Variants in PHEX observed in about 807,000 individuals in gnomAD.
The protein encoded by PHEX is phosphate regulating endopeptidase X-linked.
A neutral mutation model predicts 68.0 loss-of-function variants in PHEX; 16 were observed. The ratio of observed to expected loss-of-function variants is 0.24; its 90% CI spans 0.16 to 0.36. PHEX has a LOEUF of 0.36. Ranked by LOEUF, PHEX falls within the 10% of genes least tolerant of loss-of-function variation. The pLI is 1.00. For synonymous variants in PHEX, 208 were observed against 205.1 expected, an observed-to-expected ratio of 1.01 and a Z score of -0.12; for missense variants, 480 against 575.5, an observed-to-expected ratio of 0.83 and a Z score of 1.70.
At chrX:22,051,805 A>G (rs1025226898) in intron 3 of PHEX, among the ~76,000 whole-genome samples, 8 of 111,685 alleles carry the variant, frequency 7.2e-5, no homozygotes, top group Non-Finnish European at 1.1e-4. Context: ...AAAATAATAT[A>G]TCTATAAATG....
At chrX:22,033,144 CG>C in intron 1 of PHEX, 21 bp downstream of exon 1, 3 of 1,065,336 alleles carry the variant, frequency 2.8e-6, no homozygotes, top group Non-Finnish European at 3.9e-6. Context: ...TGCAGGAGGC[CG>C]GGGGAACTGG....
At position 22,219,067 on chromosome X, in the gene PHEX, G is replaced by C; in HGVS notation, c.1732G>C (p.Val578Leu). 2.5e-6 allele frequency: 3 copies of C among 1,187,623 alleles called. No individual in the cohort carries two copies. The highest frequency in any genetic ancestry group is 2.3e-6 in the Non-Finnish European group (2 of 873,613). ...SLSYGAIGVI[V>L]GHEFTHGFDN... ...GAGTTATGGTGCTATAGGAGTAATT[G>C]TCGGACATGAATTTACACATGGATT... The change falls in exon 17 of 22, where the codon GTC becomes CTC. Residue 578 changes from valine (V) to leucine (L), a missense_variant. Physicochemically the swap from Val to Leu is conservative, Grantham distance 32. Coordinates refer to ENST00000379374, the MANE Select transcript of PHEX (RefSeq NM_000444.6).
At chrX:22,072,099 A>G in intron 3 of PHEX, among the ~76,000 whole-genome samples, 1 of 112,766 alleles carries the variant, frequency 8.9e-6, no homozygotes, top group Non-Finnish European at 1.9e-5. Context: ...ATGGTGGCGC[A>G]TGCCTGTAGT....
chrX:22,190,417 C>G (rs987194758), intron 14 of PHEX, 27 bp from the exon 15 acceptor site: 3 of 1,110,108 alleles, frequency 2.7e-6, no homozygotes, highest in Non-Finnish European at 3.7e-6. Context: ...GATGATTGCT[C>G]TCTGGCATTT....
chrX:22,057,594 G>GA (rs1193293815), intron 3 of PHEX, among the ~76,000 whole-genome samples: 4 of 105,009 alleles, frequency 3.8e-5, no homozygotes, highest in East Asian at 3.0e-4. Context: ...CGATCTCAAA[G>GA]AAAAAAAAAA....
chrX:22,230,229 CTTTTTTTTTTTTTTTTTTTTTTT>C (rs140475343), intron 20 of PHEX, among the ~76,000 whole-genome samples: 12 of 10,939 alleles, frequency 1.1e-3, no homozygotes, highest in South Asian at 7.5e-3. Context: ...TATATGGGCT[CTTTTTTTTTTTTTTTTTTTTTTT>C]TTTTTTTTTT....
chrX:22,115,165 TA>T (rs1328833103), intron 11 of PHEX, among the ~76,000 whole-genome samples: 1 of 110,561 alleles, frequency 9.0e-6, no homozygotes, highest in Non-Finnish European at 1.9e-5. Context: ...CCATCTCTAC[TA>T]AAAAAAATAC....
At chrX:22,203,609 C>G (rs1359068711) in intron 15 of PHEX, among the ~76,000 whole-genome samples, 1 of 111,049 alleles carries the variant, frequency 9.0e-6, no homozygotes, top group Non-Finnish European at 1.9e-5. Context: ...CTGATGGCCC[C>G]CTAGATTCTA....
chrX:22,141,807 A>G (rs1271779828), intron 12 of PHEX, among the ~76,000 whole-genome samples: 1 of 112,624 alleles, frequency 8.9e-6, no homozygotes, highest in Admixed American at 9.4e-5. Flanking sequence ...AACTGCTGCT[A>G]ACATTTTGAT....
chrX:22,106,645 A>G (rs776411683), intron 9 of PHEX, among the ~76,000 whole-genome samples: 138 of 110,549 alleles, frequency 1.2e-3, no homozygotes, highest in African/African-American at 4.4e-3. Context: ...ACAGTGGCGC[A>G]TGCCTGTAGT....
chrX:22,111,612 G>A, intron 10 of PHEX, 52 bp downstream of exon 10: 1 of 889,088 alleles, frequency 1.1e-6, no homozygotes, highest in Non-Finnish European at 1.7e-6. Context: ...TTACATGCTG[G>A]AATAGTCCAT....
chrX:22,038,562 G>A lies in PHEX; in HGVS notation c.187+25G>A, dbSNP rs767450990. On this transcript the variant is annotated intron_variant, in intron 2 of 21. Coordinates refer to ENST00000379374, the MANE Select transcript of PHEX (RefSeq NM_000444.6). ...GGTAAGTCACAGTTTTCCATCCTGT[G>A]TCAAGTTATAATTATGGTACCTTGG... is the stretch of plus-strand genomic sequence containing the variant. The A allele has an allele frequency of 1.5e-5, 15 of 1,028,075 alleles. 1 individual carries two copies. Among genetic ancestry groups the A allele is most frequent in the African/African-American group, 5.6e-5 (3 of 53,635 alleles). The allele number at this position is 1,028,075 out of a possible 1,213,427, so 84.7% of individuals were successfully genotyped here.
At chrX:22,203,644 A>C (rs1269649860) in intron 15 of PHEX, among the ~76,000 whole-genome samples, 1 of 111,636 alleles carries the variant, frequency 9.0e-6, no homozygotes, top group African/African-American at 3.3e-5. Context: ...TTATCTGATT[A>C]CAAGAACTAA....
chrX:22,174,303 T>C (rs143994692), intron 13 of PHEX, among the ~76,000 whole-genome samples: 2,698 of 112,268 alleles, frequency 0.024, 85 homozygotes, highest in African/African-American at 0.083. Flanking sequence ...TTTAATTTTT[T>C]CATTTTGGAG....
chrX:22,047,361 G>T, intron 3 of PHEX, 150 bp downstream of exon 3: 1 of 540,773 alleles, frequency 1.8e-6, no homozygotes, highest in Non-Finnish European at 3.1e-6. Flanking sequence ...AGATTGAAAG[G>T]AAAGTTTGCA....
At chrX:22,069,156 ATAAT>A (rs1324950085) in intron 3 of PHEX, among the ~76,000 whole-genome samples, 2 of 111,693 alleles carry the variant, frequency 1.8e-5, no homozygotes, top group Non-Finnish European at 3.8e-5. Context: ...AAAAATATAA[ATAAT>A]TAGAGTTAGT....
intron 9 of PHEX, 67 bp from the exon 10 acceptor site, chrX:22,111,400 A>C: frequency 1.1e-6 from 1 of 872,781 alleles, no homozygotes; most frequent in East Asian, 3.1e-5. Flanking sequence ...GTTTCTCTCA[A>C]GATGTTCTGC....
chrX:22,242,372 C>G (rs1287229606), intron 20 of PHEX, among the ~76,000 whole-genome samples: 2 of 111,773 alleles, frequency 1.8e-5, no homozygotes, highest in African/African-American at 3.3e-5. Context: ...CAGCACAAGA[C>G]AAGGATGCCC....
chrX:22,239,660 A>G (rs759453267), intron 20 of PHEX, among the ~76,000 whole-genome samples: 46 of 111,021 alleles, frequency 4.1e-4, no homozygotes, highest in African/African-American at 1.4e-3. Context: ...GATCAACTCA[A>G]TGAAATAAAG....
Sources: allele counts gnomAD v4.1 joint callset (sites outside exome capture counted in the v4.1 genomes callset), GRCh38; gene constraint gnomAD v4.1.1; transcripts MANE v1.5; gene names NCBI Gene and HGNC (gene_info 2026-07-23, HGNC 2026-07-21).